MAF: variants seen among roughly 807,000 people sequenced by gnomAD.
The protein encoded by MAF is transcription factor Maf.
In MAF, 10 loss-of-function variants were observed where a neutral mutation model predicts 22.0. That is an observed-to-expected ratio of 0.45 (90% confidence interval 0.28 to 0.77). The LOEUF is 0.77. Among genes scored for constraint, MAF ranks in the 30% least tolerant of loss-of-function variants. MAF has a pLI of 0.12. For missense variants in MAF, 544 were observed against 548.4 expected, an observed-to-expected ratio of 0.99 and a Z score of 0.08; for synonymous variants, 337 against 255.8, an observed-to-expected ratio of 1.32 and a Z score of -3.03.
the MAF span, among the ~76,000 whole-genome samples, chr16:79,311,361 A>G: frequency 6.6e-6 from 1 of 151,984 alleles, no homozygotes; most frequent in Non-Finnish European, 1.5e-5. Flanking sequence ...TGAAAAGGAA[A>G]GCATCTGTCC....
chr16:79,238,558 C>A, the MAF span, among the ~76,000 whole-genome samples: 1 of 152,014 alleles, frequency 6.6e-6, no homozygotes, highest in East Asian at 1.9e-4. Context: ...ACATCTGAAG[C>A]CTAAAGTCTC....
chr16:79,408,098 A>AC, the MAF span, among the ~76,000 whole-genome samples: 1 of 151,542 alleles, frequency 6.6e-6, no homozygotes, highest in Admixed American at 6.6e-5. Flanking sequence ...AAAAAAAAAA[A>AC]AACCTAAAGG....
At chr16:79,294,896 G>C in the MAF span, among the ~76,000 whole-genome samples, 1 of 152,270 alleles carries the variant, frequency 6.6e-6, no homozygotes, top group Admixed American at 6.5e-5. Flanking sequence ...TGGCATTCCA[G>C]ACATGGAACA....
chr16:79,576,174 T>A, the MAF span, among the ~76,000 whole-genome samples: 5 of 131,698 alleles, frequency 3.8e-5, no homozygotes, highest in Non-Finnish European at 7.7e-5. Flanking sequence ...GAATGACAAA[T>A]GAATTTTTCA....
chr16:79,492,183 C>A, the MAF span, among the ~76,000 whole-genome samples: 1 of 152,128 alleles, frequency 6.6e-6, no homozygotes, highest in Non-Finnish European at 1.5e-5. Flanking sequence ...AGCCAAGAGG[C>A]CCAGTGGACC....
the MAF span, among the ~76,000 whole-genome samples, chr16:79,489,875 G>T: frequency 6.6e-6 from 1 of 152,182 alleles, no homozygotes; most frequent in African/African-American, 2.4e-5. Flanking sequence ...GTTGGAAAGA[G>T]ACAAGGGTGG....
At chr16:79,517,379 A>G in the MAF span, among the ~76,000 whole-genome samples, 1 of 152,190 alleles carries the variant, frequency 6.6e-6, no homozygotes. Flanking sequence ...GTGCTGTTTC[A>G]CTTAATTACA....
chr16:79,425,461 C>A, the MAF span, among the ~76,000 whole-genome samples: 1 of 152,192 alleles, frequency 6.6e-6, no homozygotes, highest in Non-Finnish European at 1.5e-5. Context: ...GTGTTCAGGG[C>A]AGGAGGTTTC....
At chr16:79,549,350 C>T in the MAF span, among the ~76,000 whole-genome samples, 1 of 152,168 alleles carries the variant, frequency 6.6e-6, no homozygotes, top group Non-Finnish European at 1.5e-5. Context: ...GGTCAGAACA[C>T]CTAACATCAG....
chr16:79,393,040 G>C, the MAF span, among the ~76,000 whole-genome samples: 14 of 152,126 alleles, frequency 9.2e-5, no homozygotes, highest in African/African-American at 3.4e-4. Context: ...TCCTTTCCAG[G>C]ACCACTGTCT....
At chr16:79,537,599 T>C in the MAF span, among the ~76,000 whole-genome samples, 14 of 152,180 alleles carry the variant, frequency 9.2e-5, no homozygotes, top group Non-Finnish European at 1.5e-4. Flanking sequence ...TCTGTGGCTC[T>C]TTACCCCATC....
chr16:79,444,693 C>T, the MAF span, among the ~76,000 whole-genome samples: 1 of 152,190 alleles, frequency 6.6e-6, no homozygotes, highest in Non-Finnish European at 1.5e-5. Context: ...GACACCGAAG[C>T]TACAACACTG....
the MAF span, among the ~76,000 whole-genome samples, chr16:79,461,717 G>A: frequency 6.6e-6 from 1 of 152,132 alleles, no homozygotes; most frequent in African/African-American, 2.4e-5. Flanking sequence ...TGTGGTTACT[G>A]TTTGGAGAGA....
At position 79,600,494 on chromosome 16, in the gene MAF, T is replaced by G; in HGVS notation, c.-592A>C. Reference sequence around the variant, plus strand: ...TGGCTCTCTTTATTATTTTTTTTCTTTCCTCTCTCTCCCTCGCGCGCTCTC... The same window carrying G: ...TGGCTCTCTTTATTATTTTTTTTCTGTCCTCTCTCTCCCTCGCGCGCTCTC... On this transcript the variant is annotated 5_prime_UTR_variant, in exon 1 of 2. Coordinates refer to ENST00000326043, the MANE Select transcript of MAF (RefSeq NM_005360.5). 5.1e-6 allele frequency: 1 copy of G among 194,438 alleles called. No homozygotes were observed. The highest frequency in any genetic ancestry group is 1.2e-5 in the Non-Finnish European group (1 of 84,436). 12.0% of individuals were successfully genotyped at this position (194,438 alleles called of 1,614,324 possible). A position where few individuals can be genotyped will look rare whatever the true frequency, so the allele number is the denominator to read the frequency against.
the MAF span, among the ~76,000 whole-genome samples, chr16:79,270,458 C>T: frequency 1.7e-3 from 265 of 152,240 alleles, 1 homozygote; most frequent in Middle Eastern, 0.017. Context: ...GGCACTCAAC[C>T]CAGTCTTTGA....
chr16:79,232,611 G>C, the MAF span, among the ~76,000 whole-genome samples: 1 of 151,914 alleles, frequency 6.6e-6, no homozygotes, highest in Non-Finnish European at 1.5e-5. Flanking sequence ...TGACACTCAT[G>C]GCACATGGAC....
the MAF span, among the ~76,000 whole-genome samples, chr16:79,252,325 C>A: frequency 4.4e-5 from 6 of 137,378 alleles, no homozygotes; most frequent in African/African-American, 7.5e-5. Flanking sequence ...TTTATAGACA[C>A]AAATTGGAAT....
At chr16:79,261,977 G>T in the MAF span, among the ~76,000 whole-genome samples, 1 of 152,144 alleles carries the variant, frequency 6.6e-6, no homozygotes, top group African/African-American at 2.4e-5. Context: ...AGTTATTCCA[G>T]ACTGGCTGCA....
At chr16:79,251,061 C>G in the MAF span, among the ~76,000 whole-genome samples, 2 of 151,604 alleles carry the variant, frequency 1.3e-5, no homozygotes, top group Non-Finnish European at 2.9e-5. Flanking sequence ...TCAGAGCAAC[C>G]CTGATGATAT....
Sources: allele counts gnomAD v4.1 joint callset (sites outside exome capture counted in the v4.1 genomes callset), GRCh38; gene constraint gnomAD v4.1.1; transcripts MANE v1.5; gene names NCBI Gene and HGNC (gene_info 2026-07-23, HGNC 2026-07-21).